TRPM3: variants seen among roughly 807,000 people sequenced by gnomAD.
The protein encoded by TRPM3 is long transient receptor potential channel 3.
TRPM3 carries 77 observed loss-of-function variants against 181.2 expected under a neutral mutation model. That is an observed-to-expected ratio of 0.42 (90% CI 0.35 to 0.51). The LOEUF (loss-of-function observed/expected upper bound fraction) is 0.51, where lower values mean the gene tolerates loss of function less well. Among genes scored for constraint, TRPM3 ranks in the 20% least tolerant of loss-of-function variants. The pLI is 0.01. For synonymous variants in TRPM3, 745 were observed against 796.4 expected (o/e 0.94, Z 1.09); for missense variants, 1,759 against 2,196.7 (o/e 0.80, Z 3.98).
chr9:71,070,317 A>T (rs574390646), intron 1 of TRPM3, among the ~76,000 whole-genome samples: 2 of 152,340 alleles, frequency 1.3e-5, no homozygotes, highest in African/African-American at 4.8e-5. Flanking sequence ...GTCATGAATG[A>T]TGCATGCTGC....
intron 1 of TRPM3, among the ~76,000 whole-genome samples, chr9:70,925,104 A>G (rs995426570): frequency 5.3e-5 from 8 of 152,178 alleles, no homozygotes; most frequent in South Asian, 2.1e-4. Context: ...GTACTTGGCT[A>G]ACATGTATAG....
chr9:71,420,350 C>T (rs1175105435), intron 1 of TRPM3, among the ~76,000 whole-genome samples: 3 of 151,860 alleles, frequency 2.0e-5, no homozygotes, highest in Non-Finnish European at 4.4e-5. Context: ...ATATAAATCC[C>T]TCCCTTCATG....
Position 70,743,699 on chromosome 9 carries a change from G to T in TRPM3, c.1272+17902C>A, listed in dbSNP as rs544030468. Among the ~76,000 whole-genome samples the T allele has an allele frequency of 2.0e-5, 3 of 152,178 alleles. No homozygotes were observed. In the South Asian group the frequency reaches 6.2e-4, roughly 32 times the overall value. On this transcript the variant is annotated intron_variant, in intron 8 of 25. Coordinates refer to ENST00000677713, the MANE Select transcript of TRPM3 (RefSeq NM_001366145.2). ...CAGGCCTGGTGAGATTCTGCCTAGG[G>T]ATGCAGAGTGGAAATGCAGAGTAGG... is the stretch of plus-strand genomic sequence containing the variant.
At chr9:71,226,040 A>AT (rs2080615869) in intron 1 of TRPM3, among the ~76,000 whole-genome samples, 1 of 123,356 alleles carries the variant, frequency 8.1e-6, no homozygotes, top group Admixed American at 8.7e-5. Context: ...AAAAAAAAAA[A>AT]TAGCAGGGAG....
chr9:70,583,513 A>G (rs542495824), intron 22 of TRPM3, among the ~76,000 whole-genome samples: 2 of 152,352 alleles, frequency 1.3e-5, no homozygotes, highest in South Asian at 4.1e-4. Flanking sequence ...AACAAGCGCT[A>G]AATTTAATTA....
At chr9:71,034,007 A>G (rs555658271) in intron 1 of TRPM3, among the ~76,000 whole-genome samples, 7 of 152,232 alleles carry the variant, frequency 4.6e-5, no homozygotes, top group Admixed American at 2.6e-4. Context: ...GGATGTGGGA[A>G]GAAACTGGAG....
intron 1 of TRPM3, among the ~76,000 whole-genome samples, chr9:71,311,621 G>A (rs903790997): frequency 4.6e-5 from 7 of 151,910 alleles, no homozygotes; most frequent in Non-Finnish European, 1.0e-4. Flanking sequence ...AACTCAACAT[G>A]AGTCATAGAT....
intron 3 of TRPM3, among the ~76,000 whole-genome samples, chr9:70,848,037 G>A (rs1217242952): frequency 6.6e-6 from 1 of 151,952 alleles, no homozygotes; most frequent in African/African-American, 2.4e-5. Flanking sequence ...AGAAACAACA[G>A]GCACCAAAAT....
chr9:71,034,672 C>T (rs2057965549), intron 1 of TRPM3, among the ~76,000 whole-genome samples: 1 of 151,856 alleles, frequency 6.6e-6, no homozygotes, highest in South Asian at 2.1e-4. Flanking sequence ...TCAGTAACAT[C>T]ATCTCGGTAG....
intron 7 of TRPM3, among the ~76,000 whole-genome samples, chr9:70,777,811 A>T (rs2081674737): frequency 6.6e-6 from 1 of 152,134 alleles, no homozygotes; most frequent in African/African-American, 2.4e-5. Context: ...AAAATACCTA[A>T]GTGATTGATT....
chr9:71,210,577 G>C lies in TRPM3; in HGVS notation c.183+236076C>G, dbSNP rs141910279. 1.9e-3 allele frequency among the ~76,000 whole-genome samples: 285 copies of C among 152,238 alleles called. 3 individuals are homozygous for C. Among genetic ancestry groups the C allele is most frequent in the African/African-American group, 6.5e-3 (272 of 41,560 alleles). ...TTCCTTACTTCCAAGAGGCCCCAGAGTTTTGACCCATTTAAAGTTCCTTTG... is the reference window on the plus strand; with the variant it reads ...TTCCTTACTTCCAAGAGGCCCCAGACTTTTGACCCATTTAAAGTTCCTTTG... On this transcript the variant is annotated intron_variant, in intron 1 of 24. Coordinates refer to the TRPM3 transcript ENST00000357533.
intron 1 of TRPM3, among the ~76,000 whole-genome samples, chr9:71,053,296 T>A (rs2133206946): frequency 6.6e-6 from 1 of 152,188 alleles, no homozygotes; most frequent in East Asian, 1.9e-4. Flanking sequence ...CCTGCCTCAG[T>A]ATCCTCACCT....
In TRPM3 at chr9:70,868,242, T is replaced by C. The variant is rs937190180; in HGVS notation, c.178-3731A>G. Among the ~76,000 whole-genome samples, 5 of 152,042 alleles carry C rather than the reference T, an allele frequency of 3.3e-5. No homozygotes were observed. In the East Asian group the frequency reaches 5.8e-4, roughly 18 times the overall value. The stretch of plus-strand genomic sequence containing the variant: ...TTTTCTTTCTTGTCTTTCTGCATTA[T>C]CAGTCATGTGTGATGTGTAATAGGG... On this transcript the variant is annotated intron_variant, in intron 1 of 25. Transcript: ENST00000677713.
intron 1 of TRPM3, among the ~76,000 whole-genome samples, chr9:71,363,371 GGAGATTACAATTACCATTAATT>G (rs1434497003): frequency 1.3e-5 from 2 of 152,208 alleles, no homozygotes; most frequent in Admixed American, 6.5e-5. Context: ...AGCCAAATTG[GGAGATTACAATTACCATTAATT>G]GAGATTACAA....
At chr9:70,696,489 T>C (rs1160381443) in intron 8 of TRPM3, among the ~76,000 whole-genome samples, 2 of 152,296 alleles carry the variant, frequency 1.3e-5, no homozygotes, top group East Asian at 3.9e-4. Flanking sequence ...AGGATAATCA[T>C]AGGCAAAAGA....
chr9:70,927,129 G>A (rs1287691888), intron 1 of TRPM3, among the ~76,000 whole-genome samples: 1 of 152,086 alleles, frequency 6.6e-6, no homozygotes, highest in Non-Finnish European at 1.5e-5. Context: ...ATACTGAAAT[G>A]TTTTCCCATT....
intron 1 of TRPM3, among the ~76,000 whole-genome samples, chr9:71,063,134 T>A (rs2061513675): frequency 6.6e-6 from 1 of 152,062 alleles, no homozygotes; most frequent in Admixed American, 6.6e-5. Flanking sequence ...ACTGGTCACA[T>A]CATCAAAGCA....
At chr9:70,553,370 A>G (rs999180537) in intron 22 of TRPM3, 60 bp from the exon 23 acceptor site, 63 of 1,583,072 alleles carry the variant, frequency 4.0e-5, no homozygotes, top group Non-Finnish European at 5.1e-5. Context: ...GAAAAAAAAT[A>G]AAAAGATGGA....
chr9:70,687,611 A>G (rs945489332), intron 8 of TRPM3, among the ~76,000 whole-genome samples: 1 of 152,184 alleles, frequency 6.6e-6, no homozygotes, highest in Admixed American at 6.5e-5. Context: ...TCTCTTGTGG[A>G]CAGATTACCT....
Sources: gnomAD v4.1 joint callset for allele counts (sites outside exome capture counted in the v4.1 genomes callset) on GRCh38, gnomAD v4.1.1 for gene constraint, MANE v1.5 for transcripts, NCBI Gene and HGNC (gene_info 2026-07-23, HGNC 2026-07-21) for gene names.